The following ANO3 variants were observed in gnomAD, a reference collection of about 807,000 sequenced individuals.
ANO3 encodes the protein anoctamin-3.
Under a neutral mutation model 144.8 loss-of-function variants are expected in ANO3, and 99 were observed. The observed-to-expected ratio is 0.68, with a 90% CI of 0.58 to 0.81. The LOEUF is 0.81. Ranked by LOEUF, ANO3 falls within the 30% of genes least tolerant of loss-of-function variation. The probability of loss-of-function intolerance (pLI) is 0.00; values close to 1 mark genes in which losing one functional copy is unlikely to be tolerated. For synonymous variants in ANO3, 414 were observed against 392.6 expected (o/e 1.05, Z -0.64); for missense variants, 905 against 1,202.2 (o/e 0.75, Z 3.66).
intron 3 of ANO3, among the ~76,000 whole-genome samples, chr11:26,452,660 G>T (rs1404865510): frequency 6.6e-6 from 1 of 152,164 alleles, no homozygotes; most frequent in Non-Finnish European, 1.5e-5. Flanking sequence ...CACTCTGCAG[G>T]ATATTATCCA....
In ANO3 at chr11:26,324,338, C is replaced by T. The variant is rs532243723; in HGVS notation, c.-3+14619C>T. 7.9e-5 allele frequency among the ~76,000 whole-genome samples: 12 copies of T among 152,186 alleles called. No homozygotes were observed. The East Asian group carries it at 1.7e-3, about 22-fold the overall frequency. On this transcript the variant is annotated intron_variant, in intron 1 of 26. Coordinates refer to the ANO3 transcript ENST00000525139. The stretch of plus-strand genomic sequence containing the variant: ...CAGCTGACCTTGAGACTGTGCAAGC[C>T]GGAAGTGAAGGTGTAGGCAAAGTTG...
At chr11:26,364,329 G>A (rs1032429754) in intron 1 of ANO3, among the ~76,000 whole-genome samples, 8 of 152,018 alleles carry the variant, frequency 5.3e-5, no homozygotes, top group African/African-American at 1.9e-4. Flanking sequence ...AACATCACTG[G>A]TTCAACCAGG....
At chr11:26,633,154 A>T (rs1852840037) in intron 18 of ANO3, among the ~76,000 whole-genome samples, 1 of 152,150 alleles carries the variant, frequency 6.6e-6, no homozygotes, top group African/African-American at 2.4e-5. Flanking sequence ...TCTTTATTGA[A>T]TTCTTCAATT....
intron 1 of ANO3, among the ~76,000 whole-genome samples, chr11:26,433,891 A>G (rs1858202961): frequency 6.6e-6 from 1 of 152,180 alleles, no homozygotes. Flanking sequence ...AGATTTTGGT[A>G]TCAGAATGAT....
At chr11:26,351,529 T>TA (rs1855645615) in intron 1 of ANO3, among the ~76,000 whole-genome samples, 1 of 152,226 alleles carries the variant, frequency 6.6e-6, no homozygotes. Context: ...CTTGCTCCTA[T>TA]AACTTAATTT....
At chr11:26,538,506 A>G (rs926561887) in intron 10 of ANO3, among the ~76,000 whole-genome samples, 1 of 152,210 alleles carries the variant, frequency 6.6e-6, no homozygotes, top group Non-Finnish European at 1.5e-5. Context: ...CAAAGCTCAG[A>G]GAAATTAAAC....
chr11:26,621,596 G>C (rs903169258), intron 17 of ANO3, among the ~76,000 whole-genome samples: 2 of 152,062 alleles, frequency 1.3e-5, no homozygotes, highest in African/African-American at 4.8e-5. Flanking sequence ...CGCTCTGCCT[G>C]CTTTATTTTC....
intron 14 of ANO3, among the ~76,000 whole-genome samples, chr11:26,576,679 G>T (rs779221882): frequency 1.8e-4 from 28 of 151,918 alleles, no homozygotes; most frequent in African/African-American, 6.8e-4. Context: ...AGCACTTATT[G>T]CCATCTAACA....
At chr11:26,396,618 A>AAG (rs1286645814) in intron 1 of ANO3, among the ~76,000 whole-genome samples, 1 of 151,670 alleles carries the variant, frequency 6.6e-6, no homozygotes, top group Middle Eastern at 3.4e-3. Context: ...GCATCCATAA[A>AAG]AAGATGAGTT....
chr11:26,500,285 G>A (rs934151845), intron 4 of ANO3, among the ~76,000 whole-genome samples: 2 of 151,990 alleles, frequency 1.3e-5, no homozygotes, highest in Admixed American at 1.3e-4. Context: ...AAGTTTTTGT[G>A]TAGATGCATT....
At chr11:26,553,227 T>G (rs1247969493) in intron 12 of ANO3, 22 bp from the exon 13 acceptor site, 34 of 1,298,636 alleles carry the variant, frequency 2.6e-5, no homozygotes, top group South Asian at 1.8e-4. Flanking sequence ...TTGTTTTGTT[T>G]TTGTTTTTGT....
chr11:26,584,031 C>T (rs896470001), intron 14 of ANO3, among the ~76,000 whole-genome samples: 3 of 152,108 alleles, frequency 2.0e-5, no homozygotes, highest in Admixed American at 6.5e-5. Context: ...AGTATAGTAC[C>T]GTGGTTTTCA....
At chr11:26,359,699 A>C (rs1408500427) in intron 1 of ANO3, among the ~76,000 whole-genome samples, 2 of 152,164 alleles carry the variant, frequency 1.3e-5, no homozygotes, top group African/African-American at 2.4e-5. Context: ...AATGTCCTGG[A>C]AACTAAAGGC....
intron 1 of ANO3, among the ~76,000 whole-genome samples, chr11:26,254,845 G>A (rs991878080): frequency 2.0e-5 from 3 of 151,996 alleles, no homozygotes; most frequent in East Asian, 1.9e-4. Flanking sequence ...TCATATTCCC[G>A]GCATTACAGT....
intron 1 of ANO3, among the ~76,000 whole-genome samples, chr11:26,428,904 G>A (rs1857998194): frequency 6.6e-6 from 1 of 152,084 alleles, no homozygotes; most frequent in Non-Finnish European, 1.5e-5. Context: ...AAGAATATAG[G>A]AACAGCAGAC....
intron 3 of ANO3, among the ~76,000 whole-genome samples, chr11:26,445,224 T>C (rs1858660599): frequency 6.6e-6 from 1 of 152,168 alleles, no homozygotes; most frequent in Middle Eastern, 3.2e-3. Flanking sequence ...GCTGAAACTA[T>C]ATTATCAGTT....
At chr11:26,395,783 C>T (rs1355480682) in intron 1 of ANO3, among the ~76,000 whole-genome samples, 1 of 152,054 alleles carries the variant, frequency 6.6e-6, no homozygotes, top group East Asian at 1.9e-4. Context: ...ACACCTTATA[C>T]AAAAATTAAC....
chr11:26,230,711 T>C (rs1459595173), intron 1 of ANO3, among the ~76,000 whole-genome samples: 1 of 138,832 alleles, frequency 7.2e-6, no homozygotes, highest in Non-Finnish European at 1.5e-5. Flanking sequence ...GCAGGAAAAC[T>C]GCTTGAACTC....
At chr11:26,487,490 A>G (rs1343611335) in intron 4 of ANO3, among the ~76,000 whole-genome samples, 2 of 152,198 alleles carry the variant, frequency 1.3e-5, no homozygotes, top group Admixed American at 1.3e-4. Context: ...GTGTTCCTGA[A>G]AAATATCCGA....
Sources: allele counts gnomAD v4.1 joint callset (sites outside exome capture counted in the v4.1 genomes callset), GRCh38; gene constraint gnomAD v4.1.1; transcripts MANE v1.5; gene names NCBI Gene and HGNC (gene_info 2026-07-23, HGNC 2026-07-21).